SEMA3C: variants seen among roughly 807,000 people sequenced by gnomAD.
SEMA3C encodes the protein semaphorin 3C.
Under a neutral mutation model 89.4 loss-of-function variants are expected in SEMA3C, and 47 were observed. That is an observed-to-expected ratio of 0.53 (90% CI 0.42 to 0.67). The LOEUF is 0.67. Among genes scored for constraint, SEMA3C ranks in the 30% least tolerant of loss-of-function variants. The pLI is 0.00. For synonymous variants in SEMA3C, 310 were observed against 320.2 expected, an observed-to-expected ratio of 0.97 and a Z score of 0.34; for missense variants, 839 against 929.1, an observed-to-expected ratio of 0.90 and a Z score of 1.26.
chr7:80,904,420 A>G (rs576503800), intron 2 of SEMA3C, among the ~76,000 whole-genome samples: 11 of 152,192 alleles, frequency 7.2e-5, no homozygotes, highest in Non-Finnish European at 1.2e-4. Flanking sequence ...AAAATAGAAC[A>G]CAATTTTCTA....
intron 2 of SEMA3C, among the ~76,000 whole-genome samples, chr7:80,833,162 C>T (rs760709428): frequency 6.6e-5 from 10 of 152,008 alleles, no homozygotes; most frequent in Non-Finnish European, 1.3e-4. Context: ...AGGCCTGGCA[C>T]GGTGGCTCAT....
At chr7:80,919,564 TTTTTTGTTTTTTG>T (rs1196267380), upstream of SEMA3C, among the ~76,000 whole-genome samples, 127 of 141,972 alleles carry the variant, frequency 8.9e-4, 2 homozygotes, top group East Asian at 9.6e-3. Context: ...GCTGCGTTTT[TTTTTTGTTTTTTG>T]TTTTTTGTTT....
chr7:80,818,059 C>T (rs1041579471), intron 5 of SEMA3C, among the ~76,000 whole-genome samples: 5 of 139,582 alleles, frequency 3.6e-5, no homozygotes, highest in African/African-American at 1.5e-4. Flanking sequence ...TAAAAGTATA[C>T]ACACACACAC....
At chr7:80,863,531 C>T (rs1238092391) in intron 2 of SEMA3C, among the ~76,000 whole-genome samples, 2 of 151,538 alleles carry the variant, frequency 1.3e-5, no homozygotes, top group East Asian at 2.0e-4. Context: ...GAAAAGAATT[C>T]GTTATAGAAA....
rs758696880 is a variant in SEMA3C, at chr7:80,872,923, GAAA to G, written c.103+43753_103+43755del. Among the ~76,000 whole-genome samples the G allele has an allele frequency of 1.5e-3, 118 of 79,646 alleles. 1 individual carries two copies. Among genetic ancestry groups the G allele is most frequent in the African/African-American group, 4.4e-3 (106 of 23,982 alleles). The allele number at this position is 79,646 out of a possible 152,430, so 52.3% of individuals were successfully genotyped here. On this transcript the variant is annotated intron_variant, in intron 2 of 17. Transcript: ENST00000265361. ...ACTATACATTCATGAGAATGAGAGT[GAAA>G]AAAAAAAAAAAAAAAAAGAAAGCCA...
chr7:80,770,119 G>T (rs1318003983), intron 12 of SEMA3C, among the ~76,000 whole-genome samples: 1 of 152,152 alleles, frequency 6.6e-6, no homozygotes, highest in Admixed American at 6.5e-5. Flanking sequence ...TACTGAGTGA[G>T]TTGGGCAGTA....
chr7:80,798,325 T>C, intron 10 of SEMA3C, 89 bp from the exon 11 acceptor site: 1 of 1,143,182 alleles, frequency 8.7e-7, no homozygotes, highest in Non-Finnish European at 1.2e-6. Flanking sequence ...TGATAAAAAG[T>C]TAATATAATC....
At chr7:80,847,581 G>A (rs1289081426) in intron 2 of SEMA3C, among the ~76,000 whole-genome samples, 1 of 152,088 alleles carries the variant, frequency 6.6e-6, no homozygotes, top group African/African-American at 2.4e-5. Context: ...GCATTGAGTA[G>A]GTTTTTTTTT....
At chr7:80,795,542 C>G (rs1562878438) in intron 11 of SEMA3C, among the ~76,000 whole-genome samples, 2 of 152,166 alleles carry the variant, frequency 1.3e-5, no homozygotes, top group Non-Finnish European at 2.9e-5. Flanking sequence ...GAACAGGAAA[C>G]AAATGGTCAT....
chr7:80,890,914 C>T (rs1479541461), intron 2 of SEMA3C, among the ~76,000 whole-genome samples: 2 of 152,156 alleles, frequency 1.3e-5, no homozygotes, highest in East Asian at 3.9e-4. Flanking sequence ...AGCATATGCA[C>T]ATGTTATCTG....
chr7:80,847,556 A>G (rs936570425), intron 2 of SEMA3C, among the ~76,000 whole-genome samples: 1 of 152,182 alleles, frequency 6.6e-6, no homozygotes, highest in Non-Finnish European at 1.5e-5. Context: ...AGAGGAACAT[A>G]CTTAAACAAC....
At chr7:80,897,243 AT>A (rs1213367631) in intron 2 of SEMA3C, among the ~76,000 whole-genome samples, 1 of 152,244 alleles carries the variant, frequency 6.6e-6, no homozygotes. Flanking sequence ...GAAACATTGT[AT>A]TTGGGAATTC....
At chr7:80,781,391 A>G (rs954994221) in intron 12 of SEMA3C, among the ~76,000 whole-genome samples, 1 of 152,190 alleles carries the variant, frequency 6.6e-6, no homozygotes, top group African/African-American at 2.4e-5. Flanking sequence ...CGACTCTAAT[A>G]CCACAGACTT....
intron 12 of SEMA3C, among the ~76,000 whole-genome samples, chr7:80,783,376 G>C (rs1788732233): frequency 6.6e-6 from 1 of 152,070 alleles, no homozygotes; most frequent in African/African-American, 2.4e-5. Context: ...GTTCCACTCT[G>C]TTCCATTAGT....
intron 15 of SEMA3C, among the ~76,000 whole-genome samples, chr7:80,756,807 C>T (rs140028100): frequency 2.8e-4 from 37 of 133,878 alleles, no homozygotes; most frequent in East Asian, 1.3e-3. Context: ...TCCGCAGTAA[C>T]GCCCTTTCTG....
chr7:80,800,799 T>C lies in SEMA3C; in HGVS notation c.944A>G (p.Asn315Ser), dbSNP rs1789183750. 3 of 1,517,014 alleles carry C rather than the reference T, an allele frequency of 2.0e-6. No homozygotes were observed. The highest frequency in any genetic ancestry group is 2.6e-6 in the Non-Finnish European group (3 of 1,138,900). The allele number at this position is 1,517,014 out of a possible 1,614,324, so 94.0% of individuals were successfully genotyped here. ...LEDVFLLETD[N>S]PRTTLVYGIF... is the part of the protein sequence containing the mutation. ...GCCATACACTAGTGTTGTCCTCGGG[T>C]TATCAGTTTCCAGCAGAAACACATC... The change falls in exon 10 of 18, where the codon AAC (asparagine) becomes AGC (serine). Residue 315 changes from asparagine (N) to serine (S), a missense_variant. Coordinates refer to ENST00000265361, the MANE Select transcript of SEMA3C (RefSeq NM_006379.5).
At position 80,790,113 on chromosome 7, in the gene SEMA3C, T is replaced by C. The variant is rs1023562470; in HGVS notation, c.1132-585A>G. Among the ~76,000 whole-genome samples, 17 of 151,916 alleles carry C rather than the reference T, an allele frequency of 1.1e-4. No homozygotes were observed. The South Asian group carries it at 2.5e-3, about 22-fold the overall frequency. ...GCCTGGGCAACATAGCAAAATTTCA[T>C]CTCTGGGAAAAAAGTTAAAAATTAG... On this transcript the variant is annotated intron_variant, in intron 11 of 17. Coordinates refer to ENST00000265361, the MANE Select transcript of SEMA3C (RefSeq NM_006379.5).
intron 11 of SEMA3C, 89 bp downstream of exon 11, chr7:80,798,003 A>G: frequency 1.5e-6 from 2 of 1,368,344 alleles, no homozygotes; most frequent in South Asian, 2.7e-5. Flanking sequence ...GTCTCAAAAA[A>G]AAACCCCAAA....
intron 4 of SEMA3C, among the ~76,000 whole-genome samples, chr7:80,823,644 G>C (rs1484497224): frequency 6.6e-6 from 1 of 151,956 alleles, no homozygotes; most frequent in Admixed American, 6.6e-5. Flanking sequence ...GGAGCTTAGG[G>C]TTGTATGGTC....
Sources: allele counts gnomAD v4.1 joint callset (sites outside exome capture counted in the v4.1 genomes callset), GRCh38; gene constraint gnomAD v4.1.1; transcripts MANE v1.5; gene names NCBI Gene and HGNC (gene_info 2026-07-23, HGNC 2026-07-21).